LRP2: variants seen among roughly 807,000 people sequenced by gnomAD.
LRP2 encodes LDL receptor related protein 2.
A neutral mutation model predicts 531.0 loss-of-function variants in LRP2; 172 were observed. The observed-to-expected ratio is 0.32, with a 90% confidence interval of 0.29 to 0.37. The LOEUF (loss-of-function observed/expected upper bound fraction) is 0.37, where lower values mean the gene tolerates loss of function less well. Ranked by LOEUF, LRP2 falls within the 10% of genes least tolerant of loss-of-function variation. LRP2 has a pLI of 1.00. For missense variants in LRP2, 5,167 were observed against 5,868.3 expected (o/e 0.88, Z 3.90); for synonymous variants, 1,992 against 2,027.6 (o/e 0.98, Z 0.47).
At chr2:169,211,912 G>A in intron 37 of LRP2, 56 bp downstream of exon 37, 1 of 1,607,802 alleles carries the variant, frequency 6.2e-7, no homozygotes, top group South Asian at 1.1e-5. Context: ...TGGCACCAGG[G>A]ATTTCAACCT....
chr2:169,313,915 AT>A (rs1684688417), intron 3 of LRP2, among the ~76,000 whole-genome samples: 2 of 152,190 alleles, frequency 1.3e-5, no homozygotes, highest in African/African-American at 4.8e-5. Context: ...GTATCTATAA[AT>A]GAAGTCTATT....
At chr2:169,209,415 G>A (rs532862170) in intron 38 of LRP2, 38 bp downstream of exon 38, 2 of 1,588,002 alleles carry the variant, frequency 1.3e-6, no homozygotes, top group South Asian at 2.2e-5. Context: ...AGATGACAGA[G>A]ATGCAAACAT....
rs772364125 is a variant in LRP2, at chr2:169,246,921, G to T, written c.2974C>A (p.Pro992Thr). The T allele has an allele frequency of 1.2e-6, 2 of 1,614,160 alleles. No homozygotes were observed. Among genetic ancestry groups the T allele is most frequent in the South Asian group, 2.2e-5 (2 of 91,080 alleles). Residue 992 changes from proline (P) to threonine (T), a missense_variant, in exon 21 of 79, where the codon CCA (proline) becomes ACA (threonine). Physicochemically the swap from Pro to Thr is conservative, Grantham distance 38. This residue lies in a region of LRP2 where 2,811 missense variants were observed against 3,058.0 expected (regional missense o/e 0.92). Coordinates refer to ENST00000649046, the MANE Select transcript of LRP2 (RefSeq NM_004525.3). ...GDCSHFCFPV[P>T]NFQRVCGCPY... ...CACCCACACACTCGCTGGAAATTTG[G>T]CACCGGGAAGCAGAAGTGGCTGCAG...
intron 19 of LRP2, among the ~76,000 whole-genome samples, chr2:169,249,960 G>A (rs1690151563): frequency 3.9e-5 from 1 of 25,482 alleles, no homozygotes; most frequent in Non-Finnish European, 6.4e-5. Context: ...AAAGAAATGA[G>A]CAAAGCCTCC....
In LRP2 at chr2:169,334,454, C is replaced by T. The variant is rs564606814; in HGVS notation, c.80-13570G>A. Among the ~76,000 whole-genome samples the T allele has an allele frequency of 4.6e-5, 7 of 152,130 alleles. No individual in the cohort carries two copies. The East Asian group carries it at 1.4e-3, about 29-fold the overall frequency. On this transcript the variant is annotated intron_variant, in intron 1 of 78. Transcript: ENST00000649046. ...CATCTCAATTCTGGGTGTTGGGTAC[C>T]TATAGTTACAGTCTTGGATGAGTAT...
intron 51 of LRP2, 47 bp downstream of exon 51, chr2:169,182,120 A>G (rs2105295750): frequency 6.2e-7 from 1 of 1,610,370 alleles, no homozygotes; most frequent in Non-Finnish European, 8.5e-7. Flanking sequence ...TAACAGAGGC[A>G]GAAGAAGGAG....
chr2:169,331,354 G>T (rs1421067340), intron 1 of LRP2, among the ~76,000 whole-genome samples: 2 of 152,204 alleles, frequency 1.3e-5, no homozygotes, highest in African/African-American at 4.8e-5. Context: ...TCAAAAGAAT[G>T]TCCAAGTTTT....
At chr2:169,231,366 T>A (rs1325260752) in intron 31 of LRP2, among the ~76,000 whole-genome samples, 4 of 149,478 alleles carry the variant, frequency 2.7e-5, no homozygotes, top group African/African-American at 7.4e-5. Context: ...ACATAAAAAA[T>A]GAAGCTGTAC....
intron 3 of LRP2, among the ~76,000 whole-genome samples, chr2:169,317,123 T>C (rs139246529): frequency 6.6e-6 from 1 of 152,334 alleles, no homozygotes; most frequent in African/African-American, 2.4e-5. Flanking sequence ...AAATGTATAG[T>C]CATTTAAAAT....
In LRP2 at chr2:169,247,254, C is replaced by G. The variant is rs1690044677; in HGVS notation, c.2908+124G>C. ...TTACACTCTTAGATTATGTGAACGA[C>G]AAGAATATAAAACTACCAGGAGCTA... On this transcript the variant is annotated intron_variant, in intron 20 of 78. Coordinates refer to ENST00000649046, the MANE Select transcript of LRP2 (RefSeq NM_004525.3). 2.8e-6 allele frequency: 3 copies of G among 1,074,318 alleles called. No homozygotes were observed. The South Asian group carries it at 4.4e-5, about 16-fold the overall frequency. The allele number at this position is 1,074,318 out of a possible 1,614,324, so 66.5% of individuals were successfully genotyped here. A position where few individuals can be genotyped will look rare whatever the true frequency, so the allele number is the denominator to read the frequency against.
In LRP2 at chr2:169,345,858, AAAAAC is replaced by A. The variant is rs747011872; in HGVS notation, c.79+16458_79+16462del. ...GTTAGCAGAACCACTGCTTCTCTCC[AAAAAC>A]AAAACAAAACAAAACAAAACAAAAG... On this transcript the variant is annotated intron_variant, in intron 1 of 78. Coordinates refer to ENST00000649046, the MANE Select transcript of LRP2 (RefSeq NM_004525.3). Among the ~76,000 whole-genome samples, 8 of 152,148 alleles carry A rather than the reference AAAAAC, an allele frequency of 5.3e-5. No individual in the cohort carries two copies. In the East Asian group the frequency reaches 7.7e-4, roughly 15 times the overall value.
At chr2:169,199,979 A>ACG (rs1688140538) in intron 44 of LRP2, among the ~76,000 whole-genome samples, 1 of 152,170 alleles carries the variant, frequency 6.6e-6, no homozygotes, top group African/African-American at 2.4e-5. Context: ...GGCCGGGTGC[A>ACG]GTGGCTCACG....
chr2:169,142,251 T>C (rs1204389572), intron 71 of LRP2, among the ~76,000 whole-genome samples: 23 of 152,242 alleles, frequency 1.5e-4, no homozygotes, highest in Admixed American at 1.5e-3. Flanking sequence ...CCTGATAATA[T>C]AAAGCACTTT....
chr2:169,175,033 A>C (rs1202303648), intron 55 of LRP2, among the ~76,000 whole-genome samples, 160 bp downstream of exon 55: 1 of 151,866 alleles, frequency 6.6e-6, no homozygotes, highest in East Asian at 1.9e-4. Context: ...AAAAAAAAAA[A>C]AAAAACTTCA....
chr2:169,359,338 T>C (rs1194909268), intron 1 of LRP2, among the ~76,000 whole-genome samples: 2 of 152,208 alleles, frequency 1.3e-5, no homozygotes, highest in African/African-American at 2.4e-5. Flanking sequence ...CTCTGCAAAA[T>C]GTTTTTTCTT....
intron 53 of LRP2, among the ~76,000 whole-genome samples, chr2:169,177,572 G>A (rs563555952): frequency 1.3e-5 from 2 of 152,184 alleles, no homozygotes; most frequent in South Asian, 4.1e-4. Flanking sequence ...AGATGATCTT[G>A]AAGAATTGAG....
chr2:169,308,378 C>T (rs973615221), intron 3 of LRP2, among the ~76,000 whole-genome samples: 1 of 152,108 alleles, frequency 6.6e-6, no homozygotes, highest in Admixed American at 6.6e-5. Context: ...CCCCTCTCCC[C>T]TACCCCACGA....
chr2:169,217,341 A>G (rs1013574544), intron 34 of LRP2, among the ~76,000 whole-genome samples: 3 of 152,084 alleles, frequency 2.0e-5, no homozygotes, highest in Non-Finnish European at 2.9e-5. Flanking sequence ...CTTCAACTCT[A>G]AACTTCTCCG....
At chr2:169,320,118 T>C (rs753853629) in intron 2 of LRP2, among the ~76,000 whole-genome samples, 6 of 152,210 alleles carry the variant, frequency 3.9e-5, no homozygotes, top group Non-Finnish European at 8.8e-5. Context: ...GTAAGAACTT[T>C]AATAAATGAC....
Sources: allele counts gnomAD v4.1 joint callset (sites outside exome capture counted in the v4.1 genomes callset), GRCh38; gene constraint gnomAD v4.1.1; regional missense constraint gnomAD v4.1.1; transcripts MANE v1.5; gene names NCBI Gene and HGNC (gene_info 2026-07-23, HGNC 2026-07-21).